The following KCNIP4 variants were observed in gnomAD, a reference collection of about 807,000 sequenced individuals.
KCNIP4 encodes the protein Kv channel-interacting protein 4.
A neutral mutation model predicts 34.0 loss-of-function variants in KCNIP4; 12 were observed. That is an observed-to-expected ratio of 0.35 (90% CI 0.23 to 0.57). The LOEUF is 0.57. KCNIP4 is among the 20% of genes least tolerant of loss of function. The pLI is 0.83. For synonymous variants in KCNIP4, 124 were observed against 102.2 expected (o/e 1.21, Z -1.29); for missense variants, 238 against 311.7 (o/e 0.76, Z 1.78).
intron 1 of KCNIP4, among the ~76,000 whole-genome samples, chr4:21,767,229 G>A (rs1718481312): frequency 6.6e-6 from 1 of 152,138 alleles, no homozygotes; most frequent in African/African-American, 2.4e-5. Flanking sequence ...GACACTGGAG[G>A]AGGAGACAGT....
At chr4:21,077,694 A>C (rs1745614945) in intron 1 of KCNIP4, among the ~76,000 whole-genome samples, 1 of 152,200 alleles carries the variant, frequency 6.6e-6, no homozygotes, top group African/African-American at 2.4e-5. Context: ...TAATTAGCTC[A>C]TATAATAAAT....
At chr4:20,993,452 C>A (rs1214829557) in intron 1 of KCNIP4, among the ~76,000 whole-genome samples, 1 of 152,160 alleles carries the variant, frequency 6.6e-6, no homozygotes, top group African/African-American at 2.4e-5. Flanking sequence ...TTCCAAGATT[C>A]ATTGTAACCC....
At chr4:21,815,171 A>G (rs1721916499) in intron 1 of KCNIP4, among the ~76,000 whole-genome samples, 1 of 152,188 alleles carries the variant, frequency 6.6e-6, no homozygotes, top group Non-Finnish European at 1.5e-5. Flanking sequence ...ATCTCATCTC[A>G]GCCACCAACT....
Position 21,291,727 on chromosome 4 carries a change from G to A in KCNIP4, c.62-409018C>T, listed in dbSNP as rs1214222413. Among the ~76,000 whole-genome samples, 7 of 151,536 alleles carry A rather than the reference G, an allele frequency of 4.6e-5. No individual in the cohort carries two copies. In the South Asian group the frequency reaches 6.2e-4, roughly 14 times the overall value. On this transcript the variant is annotated intron_variant, in intron 1 of 8. Transcript: ENST00000382152. Reference sequence around the variant, plus strand: ...AAATTAGCCAGGCATGGTGGTGGGCGCCTGTAGTCCCAGCTACTCGGGAGG... The same window carrying A: ...AAATTAGCCAGGCATGGTGGTGGGCACCTGTAGTCCCAGCTACTCGGGAGG...
At chr4:21,887,384 A>C (rs1314999884) in intron 1 of KCNIP4, among the ~76,000 whole-genome samples, 1 of 152,066 alleles carries the variant, frequency 6.6e-6, no homozygotes, top group Non-Finnish European at 1.5e-5. Flanking sequence ...ATCTTCTTAC[A>C]AGGACACTAA....
intron 1 of KCNIP4, among the ~76,000 whole-genome samples, chr4:21,072,181 T>A (rs966834077): frequency 6.6e-6 from 1 of 152,192 alleles, no homozygotes; most frequent in African/African-American, 2.4e-5. Flanking sequence ...CTGGGTCAAA[T>A]GGTATTTCTA....
At chr4:21,149,697 T>C (rs1419080689) in intron 1 of KCNIP4, among the ~76,000 whole-genome samples, 1 of 152,172 alleles carries the variant, frequency 6.6e-6, no homozygotes, top group African/African-American at 2.4e-5. Context: ...GTTACGAACA[T>C]ATCCTAACTT....
At chr4:21,430,558 G>T (rs968808268) in intron 1 of KCNIP4, among the ~76,000 whole-genome samples, 4 of 152,034 alleles carry the variant, frequency 2.6e-5, no homozygotes, top group Admixed American at 6.6e-5. Context: ...TGCTTCAAAA[G>T]CCATTTTAAA....
At chr4:21,511,973 G>C (rs1175453889) in intron 1 of KCNIP4, among the ~76,000 whole-genome samples, 1 of 148,676 alleles carries the variant, frequency 6.7e-6, no homozygotes, top group African/African-American at 2.5e-5. Context: ...TAGAGTAAAA[G>C]AGAAAGAAAA....
chr4:21,894,149 T>C (rs1578118795), intron 1 of KCNIP4, among the ~76,000 whole-genome samples: 1 of 151,846 alleles, frequency 6.6e-6, no homozygotes, highest in African/African-American at 2.4e-5. Context: ...CTGGGAAACA[T>C]GGTAAAACCC....
intron 1 of KCNIP4, among the ~76,000 whole-genome samples, chr4:21,590,865 T>C (rs1189118805): frequency 6.6e-6 from 1 of 151,974 alleles, no homozygotes; most frequent in Non-Finnish European, 1.5e-5. Flanking sequence ...CTTATAATTT[T>C]AAGCTACATA....
intron 1 of KCNIP4, among the ~76,000 whole-genome samples, chr4:21,529,151 A>G (rs1001195514): frequency 2.6e-5 from 4 of 152,176 alleles, no homozygotes; most frequent in Non-Finnish European, 1.5e-5. Context: ...TTAATTCAGC[A>G]GTTACCATAA....
Position 21,299,014 on chromosome 4 carries a change from G to T in KCNIP4, c.62-416305C>A, listed in dbSNP as rs1578042535. Among the ~76,000 whole-genome samples the T allele has an allele frequency of 3.3e-5, 5 of 152,198 alleles. No individual in the cohort carries two copies. The East Asian group carries it at 9.7e-4, about 29-fold the overall frequency. ...ATTCCAGTTTTATGACTTACTAGCT[G>T]AGTTAACCTTGATCCAAATTCAGTG... On this transcript the variant is annotated intron_variant, in intron 1 of 8. Transcript: ENST00000382152.
chr4:21,416,427 G>C (rs1352888609), intron 1 of KCNIP4, among the ~76,000 whole-genome samples: 2 of 152,082 alleles, frequency 1.3e-5, no homozygotes, highest in Admixed American at 1.3e-4. Flanking sequence ...GCCTGTGATT[G>C]ATAGCTATTA....
At chr4:21,534,291 G>T (rs1736973197) in intron 1 of KCNIP4, among the ~76,000 whole-genome samples, 1 of 152,148 alleles carries the variant, frequency 6.6e-6, no homozygotes, top group South Asian at 2.1e-4. Context: ...TACAGACACT[G>T]CAGTGCACTA....
chr4:20,751,864 C>T (rs1753696501), intron 4 of KCNIP4, among the ~76,000 whole-genome samples: 2 of 152,120 alleles, frequency 1.3e-5, no homozygotes, highest in South Asian at 2.1e-4. Flanking sequence ...TTAGAAGTTA[C>T]AGCGGCTTCC....
chr4:21,801,061 G>T (rs1275257137), intron 1 of KCNIP4, among the ~76,000 whole-genome samples: 1 of 152,066 alleles, frequency 6.6e-6, no homozygotes, highest in Non-Finnish European at 1.5e-5. Context: ...AATCAGGGAG[G>T]TTTTATGTCC....
At chr4:21,349,195 G>T (rs1243606555) in intron 1 of KCNIP4, among the ~76,000 whole-genome samples, 1 of 152,020 alleles carries the variant, frequency 6.6e-6, no homozygotes, top group Admixed American at 6.6e-5. Flanking sequence ...TGATTCATGG[G>T]GTTATTTCAA....
At chr4:20,905,704 T>C (rs146485063) in intron 1 of KCNIP4, among the ~76,000 whole-genome samples, 79 of 151,346 alleles carry the variant, frequency 5.2e-4, no homozygotes, top group African/African-American at 1.8e-3. Context: ...TTTTTTAAAG[T>C]AGAGATGGGG....
Sources: gnomAD v4.1 joint callset for allele counts (sites outside exome capture counted in the v4.1 genomes callset) on GRCh38, gnomAD v4.1.1 for gene constraint, MANE v1.5 for transcripts, NCBI Gene and HGNC (gene_info 2026-07-23, HGNC 2026-07-21) for gene names.